The following ANO2 variants were observed in gnomAD, a reference collection of about 807,000 sequenced individuals.
ANO2 encodes anoctamin 2, also known as anoctamin-2.
Under a neutral mutation model 124.2 loss-of-function variants are expected in ANO2, and 101 were observed. The observed-to-expected ratio is 0.81, with a 90% CI of 0.69 to 0.96. The LOEUF is 0.96. Ranked by LOEUF, ANO2 falls within the 40% of genes least tolerant of loss-of-function variation. The pLI is 0.00. For missense variants in ANO2, 1,293 were observed against 1,274.5 expected (o/e 1.01, Z -0.22); for synonymous variants, 486 against 482.5 (o/e 1.01, Z -0.09).
intron 11 of ANO2, among the ~76,000 whole-genome samples, chr12:5,746,127 T>G (rs1428452772): frequency 1.3e-5 from 2 of 152,196 alleles, no homozygotes; most frequent in Non-Finnish European, 2.9e-5. Context: ...AAGCATGGAC[T>G]GAGGAGAGAC....
At chr12:5,931,079 G>A (rs1336662929) in intron 1 of ANO2, among the ~76,000 whole-genome samples, 1 of 152,076 alleles carries the variant, frequency 6.6e-6, no homozygotes, top group Non-Finnish European at 1.5e-5. Context: ...TCACACCACA[G>A]CTACTATTAC....
At chr12:5,641,191 A>G (rs374793) in intron 15 of ANO2, among the ~76,000 whole-genome samples, 41,220 of 132,516 alleles carry the variant, frequency 0.31, 7,487 homozygotes, top group African/African-American at 0.55. Context: ...ACTTGGACAC[A>G]GGGCGAGGAA....
chr12:5,871,459 C>T (rs1235714754), intron 3 of ANO2, among the ~76,000 whole-genome samples: 5 of 152,132 alleles, frequency 3.3e-5, no homozygotes, highest in Non-Finnish European at 7.4e-5. Context: ...CAGTCTGAGG[C>T]CTGTCAGGAA....
intron 4 of ANO2, among the ~76,000 whole-genome samples, chr12:5,844,293 A>G (rs1252377259): frequency 6.6e-6 from 1 of 152,224 alleles, no homozygotes; most frequent in Non-Finnish European, 1.5e-5. Flanking sequence ...GCAGTCCAGC[A>G]TGGGTAAACC....
At chr12:5,923,127 CCCACATACACACACATGCACACAT>C (rs1565783767) in intron 1 of ANO2, among the ~76,000 whole-genome samples, 8 of 44,794 alleles carry the variant, frequency 1.8e-4, no homozygotes, top group East Asian at 9.4e-4. Context: ...CGCACACACA[CCCACATACACACACATGCACACAT>C]ACACACACGC....
intron 14 of ANO2, among the ~76,000 whole-genome samples, chr12:5,696,414 A>C (rs12818916): frequency 0.051 from 7,702 of 152,266 alleles, 311 homozygotes; most frequent in Non-Finnish European, 0.077. Flanking sequence ...GGAAAATATA[A>C]CAATATGGAA....
chr12:5,921,380 G>A lies in ANO2; in HGVS notation c.208-14C>T. 3 of 1,610,578 alleles carry A rather than the reference G, an allele frequency of 1.9e-6. No homozygotes were observed. The highest frequency in any genetic ancestry group is 2.5e-6 in the Non-Finnish European group (3 of 1,177,694). On this transcript the variant is annotated splice_polypyrimidine_tract_variant and intron_variant, in intron 2 of 24. Coordinates refer to ENST00000682330, the MANE Select transcript of ANO2 (RefSeq NM_001364791.2). ...GTTGTTGATGACCTGGCCAGAGAGA[G>A]AGGAGAGGCAGGGCAAGGTCTGGTG...
At chr12:5,575,790 T>C (rs1490842136) in intron 23 of ANO2, 44 bp downstream of exon 23, 9 of 1,587,234 alleles carry the variant, frequency 5.7e-6, no homozygotes, top group Non-Finnish European at 1.7e-6. Context: ...TTTGGATCTA[T>C]TGCTTCTGGT....
At chr12:5,839,481 T>G in intron 4 of ANO2, 1 of 427,448 alleles carries the variant, frequency 2.3e-6, no homozygotes, top group East Asian at 7.1e-5. Flanking sequence ...ACCTAACAAA[T>G]TATAAAAGAG....
intron 15 of ANO2, among the ~76,000 whole-genome samples, chr12:5,640,870 C>A (rs866294182): frequency 1.2e-4 from 19 of 152,216 alleles, no homozygotes; most frequent in African/African-American, 4.3e-4. Context: ...GATCCCACTA[C>A]TGGGTACATA....
chr12:5,897,001 A>G (rs546414456), intron 3 of ANO2, among the ~76,000 whole-genome samples: 3 of 152,220 alleles, frequency 2.0e-5, no homozygotes, highest in Non-Finnish European at 4.4e-5. Flanking sequence ...AAAATAAATC[A>G]TCTTAAGACT....
chr12:5,891,842 T>TA (rs56203208), intron 3 of ANO2, among the ~76,000 whole-genome samples: 137,462 of 152,206 alleles, frequency 0.9, 62,204 homozygotes, highest in African/African-American at 0.94. Flanking sequence ...AAATAGGATT[T>TA]AATAAAACCC....
In ANO2 at chr12:5,923,844, TC is replaced by T. The variant is rs766476094; in HGVS notation, c.23-1041del. ...TCTATTCTCTCCTCTGAGAAACACT[TC>T]CTAGAAAAGCAACACAGCCAGTGCC... On this transcript the variant is annotated intron_variant, in intron 1 of 24. Coordinates refer to ENST00000682330, the MANE Select transcript of ANO2 (RefSeq NM_001364791.2). Among the ~76,000 whole-genome samples the T allele has an allele frequency of 5.1e-4, 77 of 152,106 alleles. 1 individual carries two copies. Among genetic ancestry groups the T allele is most frequent in the Non-Finnish European group, 9.6e-4 (65 of 68,022 alleles).
chr12:5,721,508 T>TTG (rs112398540), intron 14 of ANO2, among the ~76,000 whole-genome samples: 31,005 of 150,598 alleles, frequency 0.21, 3,421 homozygotes, highest in Middle Eastern at 0.27. Context: ...GGTTTTTTTT[T>TTG]TTTGTTTTTT....
chr12:5,886,461 G>A (rs1938914097), intron 3 of ANO2, among the ~76,000 whole-genome samples: 1 of 152,220 alleles, frequency 6.6e-6, no homozygotes, highest in Admixed American at 6.5e-5. Context: ...TTTAGGTTAT[G>A]TTAGATGAGT....
At chr12:5,781,867 C>G (rs1433398990) in intron 10 of ANO2, among the ~76,000 whole-genome samples, 1 of 152,126 alleles carries the variant, frequency 6.6e-6, no homozygotes, top group Non-Finnish European at 1.5e-5. Flanking sequence ...GTTTTATAGG[C>G]TAGAATATGT....
chr12:5,916,813 G>C (rs952026759), intron 3 of ANO2, among the ~76,000 whole-genome samples: 3 of 152,204 alleles, frequency 2.0e-5, no homozygotes, highest in East Asian at 1.9e-4. Flanking sequence ...CAGAGTCAGG[G>C]GGAGATTTAA....
intron 7 of ANO2, among the ~76,000 whole-genome samples, chr12:5,819,379 G>T (rs1953713080): frequency 6.6e-6 from 1 of 152,200 alleles, no homozygotes; most frequent in African/African-American, 2.4e-5. Context: ...TTAAGGATAT[G>T]GGATAATGGT....
intron 20 of ANO2, among the ~76,000 whole-genome samples, chr12:5,596,156 C>T (rs1159222052): frequency 1.3e-5 from 2 of 152,126 alleles, no homozygotes; most frequent in Admixed American, 1.3e-4. Flanking sequence ...AGGAGGATTG[C>T]TTGAGGCCAG....
Sources: gnomAD v4.1 joint callset for allele counts (sites outside exome capture counted in the v4.1 genomes callset) on GRCh38, gnomAD v4.1.1 for gene constraint, MANE v1.5 for transcripts, NCBI Gene and HGNC (gene_info 2026-07-23, HGNC 2026-07-21) for gene names.